Variants in CLPX observed in about 807,000 individuals in gnomAD.
The protein encoded by CLPX is caseinolytic mitochondrial matrix peptidase chaperone subunit X.
Under a neutral mutation model 76.4 loss-of-function variants are expected in CLPX, and 34 were observed. The observed-to-expected ratio is 0.45, with a 90% CI of 0.34 to 0.59. CLPX has a LOEUF of 0.59. Among genes scored for constraint, CLPX ranks in the 20% least tolerant of loss-of-function variants. The pLI is 0.01. For synonymous variants in CLPX, 248 were observed against 270.9 expected (o/e 0.92, Z 0.83); for missense variants, 613 against 757.0 (o/e 0.81, Z 2.23).
intron 3 of CLPX, among the ~76,000 whole-genome samples, chr15:65,167,571 A>T (rs1459902543): frequency 6.6e-6 from 1 of 152,122 alleles, no homozygotes; most frequent in Non-Finnish European, 1.5e-5. Context: ...TATTCTTTAC[A>T]TTCTCTTAAA....
In CLPX at chr15:65,153,644, A is replaced by G; in HGVS notation, c.1612-5T>C. 6.9e-7 allele frequency: 1 copy of G among 1,448,442 alleles called. No homozygotes were observed. The highest frequency in any genetic ancestry group is 2.4e-5 in the East Asian group (1 of 41,164). 89.7% of individuals were successfully genotyped at this position (1,448,442 alleles called of 1,614,324 possible). A position where few individuals can be genotyped will look rare whatever the true frequency, so the allele number is the denominator to read the frequency against. On this transcript the variant is annotated splice_region_variant and splice_polypyrimidine_tract_variant and intron_variant, in intron 11 of 13. Transcript: ENST00000300107. The stretch of plus-strand genomic sequence containing the variant: ...CTCAGTAACATTCAGTTCACACTAC[A>G]AATACATTAAAAATAAATTATAACT...
chr15:65,153,687 C>G (rs750847519), intron 11 of CLPX, 48 bp from the exon 12 acceptor site: 12 of 1,146,800 alleles, frequency 1.0e-5, no homozygotes, highest in Middle Eastern at 2.0e-4. Flanking sequence ...TTAATTTGTA[C>G]CACCAGAAAA....
intron 1 of CLPX, among the ~76,000 whole-genome samples, chr15:65,182,087 C>T (rs1340818176): frequency 6.9e-6 from 1 of 145,732 alleles, no homozygotes; most frequent in East Asian, 2.0e-4. Flanking sequence ...GGCACCACTG[C>T]ACTCCAGCTT....
intron 1 of CLPX, among the ~76,000 whole-genome samples, chr15:65,180,616 T>C (rs945368352): frequency 1.3e-5 from 2 of 152,092 alleles, no homozygotes; most frequent in South Asian, 2.1e-4. Context: ...AAGAATACTA[T>C]CTGGGCCGGG....
At position 65,150,696 on chromosome 15, in the gene CLPX, A is replaced by G; in HGVS notation, c.*127T>C. On this transcript the variant is annotated 3_prime_UTR_variant, in exon 14 of 14. Transcript: ENST00000300107. ...ATATACATGATCTGATTCTTCTCCTAAAGGCTTCTCTGACCATGTATGATA... is the reference window on the plus strand; with the variant it reads ...ATATACATGATCTGATTCTTCTCCTGAAGGCTTCTCTGACCATGTATGATA... 1.9e-6 allele frequency: 1 copy of G among 527,712 alleles called. No homozygotes were observed. Among genetic ancestry groups the G allele is most frequent in the South Asian group, 4.5e-5 (1 of 22,312 alleles). The allele number at this position is 527,712 out of a possible 1,614,324, so 32.7% of individuals were successfully genotyped here.
chr15:65,150,548 G>A lies in CLPX; in HGVS notation c.*275C>T, dbSNP rs2087706260. On this transcript the variant is annotated 3_prime_UTR_variant, in exon 14 of 14. Transcript: ENST00000300107. The stretch of plus-strand genomic sequence containing the variant: ...CTGCATTGCTTAAAAGAATTCCTAA[G>A]AATTTTGTTAAAGCATATTTTTTTT... 4.0e-6 allele frequency: 1 copy of A among 253,036 alleles called. No individual in the cohort carries two copies. The highest frequency in any genetic ancestry group is 2.2e-5 in the African/African-American group (1 of 44,898). The allele number at this position is 253,036 out of a possible 1,614,324, so 15.7% of individuals were successfully genotyped here.
chr15:65,180,137 C>T lies in CLPX; in HGVS notation c.147G>A (p.Leu49=). The change falls in exon 2 of 14, where the codon CTG becomes CTA. Residue 49 remains leucine (L), a synonymous_variant. Coordinates refer to ENST00000300107, the MANE Select transcript of CLPX (RefSeq NM_006660.5). The part of the protein sequence containing the change: ...GRLGTFETQI[L]QRAPLRSFTE... ...TAAAGGATCTAAGAGGAGCTCTTTG[C>T]AGAATCTGAGTTTCAAATGTCCCAA... 6.2e-7 allele frequency: 1 copy of T among 1,611,868 alleles called. No individual in the cohort carries two copies.
At chr15:65,175,694 G>A (rs1340575847) in intron 3 of CLPX, among the ~76,000 whole-genome samples, 1 of 152,124 alleles carries the variant, frequency 6.6e-6, no homozygotes, top group Non-Finnish European at 1.5e-5. Context: ...TAAGCGTCAT[G>A]ACGCACTCAA....
In CLPX at chr15:65,150,784, GA is replaced by G; in HGVS notation, c.*38del. ...GAGACAATTATGATCCTAAACAAAA[GA>G]AGGAAAAGCTGTATATACAAGACAG... On this transcript the variant is annotated 3_prime_UTR_variant, in exon 14 of 14. Coordinates refer to ENST00000300107, the MANE Select transcript of CLPX (RefSeq NM_006660.5). 1 of 1,391,390 alleles carries G rather than the reference GA, an allele frequency of 7.2e-7. No homozygotes were observed. Among genetic ancestry groups the G allele is most frequent in the South Asian group, 1.2e-5 (1 of 82,560 alleles). The allele number at this position is 1,391,390 out of a possible 1,614,324, so 86.2% of individuals were successfully genotyped here.
intron 1 of CLPX, among the ~76,000 whole-genome samples, chr15:65,184,204 GT>G (rs2140657129): frequency 6.6e-6 from 1 of 152,350 alleles, no homozygotes; most frequent in African/African-American, 2.4e-5. Flanking sequence ...CTAGAAGTCA[GT>G]CATTATAACA....
intron 1 of CLPX, among the ~76,000 whole-genome samples, chr15:65,184,063 T>C (rs1182102939): frequency 6.6e-6 from 1 of 152,202 alleles, no homozygotes; most frequent in African/African-American, 2.4e-5. Context: ...CCTTCTGTAG[T>C]AAAGAAACTG....
At chr15:65,160,621 T>TCACACA (rs759420054) in intron 6 of CLPX, among the ~76,000 whole-genome samples, 34 of 128,560 alleles carry the variant, frequency 2.6e-4, no homozygotes, top group Middle Eastern at 3.8e-3. Flanking sequence ...TCTCTCTCTC[T>TCACACA]CTCACACACA....
chr15:65,164,294 A>G, intron 4 of CLPX, 106 bp from the exon 5 acceptor site: 1 of 855,834 alleles, frequency 1.2e-6, no homozygotes, highest in East Asian at 2.8e-5. Context: ...AAATCTGAAC[A>G]AAGACTCTCA....
intron 10 of CLPX, among the ~76,000 whole-genome samples, chr15:65,155,326 T>C (rs1045468665): frequency 6.6e-5 from 10 of 152,208 alleles, no homozygotes; most frequent in African/African-American, 2.4e-4. Flanking sequence ...CTTGGCTCAC[T>C]GCAACCTCCG....
At chr15:65,161,731 T>A (rs1184457868) in intron 6 of CLPX, among the ~76,000 whole-genome samples, 3 of 152,204 alleles carry the variant, frequency 2.0e-5, no homozygotes, top group African/African-American at 7.2e-5. Context: ...CTAAAGGTTA[T>A]TATTTAGATT....
intron 3 of CLPX, among the ~76,000 whole-genome samples, chr15:65,174,033 T>G (rs1290884807): frequency 6.6e-6 from 1 of 152,078 alleles, no homozygotes; most frequent in East Asian, 1.9e-4. Context: ...TGGAGTGCAG[T>G]GGTGCGATCT....
At chr15:65,170,946 T>C (rs947220843) in intron 3 of CLPX, among the ~76,000 whole-genome samples, 14 of 149,440 alleles carry the variant, frequency 9.4e-5, no homozygotes, top group Non-Finnish European at 1.6e-4. Context: ...CCTCAGCCTC[T>C]GGAGTAGCTG....
chr15:65,166,678 C>G lies in CLPX; in HGVS notation c.466G>C (p.Ala156Pro). 1 of 1,614,130 alleles carries G rather than the reference C, an allele frequency of 6.2e-7. No individual in the cohort carries two copies. The highest frequency in any genetic ancestry group is 1.1e-5 in the South Asian group (1 of 91,080). Residue 156 changes from alanine to proline, a missense_variant, in exon 4 of 14, where the codon GCT becomes CCT. By Grantham distance (27) the Ala-to-Pro change is conservative. This residue lies in a region of CLPX where 450 missense variants were observed against 638.6 expected (regional missense o/e 0.70). Coordinates refer to ENST00000300107, the MANE Select transcript of CLPX (RefSeq NM_006660.5). ...IIKEPESAAE[A>P]VKLAFQQKPP... ...TTCTGTTGGAATGCCAATTTTACAG[C>G]TTCTGCTGCTGATTCAGGTTCTTTA...
chr15:65,159,915 T>C (rs867433675), intron 6 of CLPX, among the ~76,000 whole-genome samples: 2 of 151,740 alleles, frequency 1.3e-5, no homozygotes. Flanking sequence ...TGGGTTCAAG[T>C]GATTCTCCTG....
Sources: allele counts gnomAD v4.1 joint callset (sites outside exome capture counted in the v4.1 genomes callset), GRCh38; gene constraint gnomAD v4.1.1; regional missense constraint gnomAD v4.1.1; transcripts MANE v1.5; gene names NCBI Gene and HGNC (gene_info 2026-07-23, HGNC 2026-07-21).